VAT1L: variants seen among roughly 807,000 people sequenced by gnomAD.
The protein encoded by VAT1L is vesicle amine transport 1 like, also known as putative NADPH-dependent quinone oxidoreductase VAT1L.
VAT1L carries 34 observed loss-of-function variants against 44.1 expected under a neutral mutation model. The ratio of observed to expected loss-of-function variants is 0.77; its 90% CI spans 0.59 to 1.03. The LOEUF (loss-of-function observed/expected upper bound fraction) is 1.03, where lower values mean the gene tolerates loss of function less well. Ranked by LOEUF, VAT1L falls within the 50% of genes least tolerant of loss-of-function variation. The pLI is 0.00. For synonymous variants in VAT1L, 253 were observed against 202.2 expected, an observed-to-expected ratio of 1.25 and a Z score of -2.13; for missense variants, 615 against 538.8, an observed-to-expected ratio of 1.14 and a Z score of -1.40.
At position 77,830,925 on chromosome 16, in the gene VAT1L, C is replaced by A. The variant is rs1597056090; in HGVS notation, c.579+5464C>A. On this transcript the variant is annotated intron_variant, in intron 3 of 8. Transcript: ENST00000302536. ...TCTCGAACTCCTGATCTCAGGTGATCTGCCCGCCTCGGCCTCCCAAAGTGC... is the reference window on the plus strand; with the variant it reads ...TCTCGAACTCCTGATCTCAGGTGATATGCCCGCCTCGGCCTCCCAAAGTGC... Among the ~76,000 whole-genome samples, 7 of 152,346 alleles carry A rather than the reference C, an allele frequency of 4.6e-5. No homozygotes were observed. In the South Asian group the frequency reaches 1.5e-3, roughly 32 times the overall value.
intron 3 of VAT1L, among the ~76,000 whole-genome samples, chr16:77,843,467 A>G (rs1407777076): frequency 3.3e-5 from 5 of 152,218 alleles, no homozygotes; most frequent in Non-Finnish European, 7.3e-5. Context: ...CTTACTTCCC[A>G]GGAACCCCTG....
chr16:77,863,020 C>A, intron 4 of VAT1L, 130 bp downstream of exon 4: 2 of 1,155,762 alleles, frequency 1.7e-6, no homozygotes, highest in Non-Finnish European at 2.4e-6. Context: ...GTATTATTAG[C>A]TCTGTGCCAA....
At chr16:77,863,665 G>C (rs1023204446) in intron 4 of VAT1L, among the ~76,000 whole-genome samples, 1 of 152,198 alleles carries the variant, frequency 6.6e-6, no homozygotes, top group Non-Finnish European at 1.5e-5. Context: ...GAATGCAAGA[G>C]CCTCAGAGGC....
intron 3 of VAT1L, among the ~76,000 whole-genome samples, chr16:77,848,687 G>A (rs2016779882): frequency 6.6e-6 from 1 of 152,114 alleles, no homozygotes; most frequent in African/African-American, 2.4e-5. Flanking sequence ...CGTGATCAGG[G>A]GTACTTCCGC....
chr16:77,874,054 G>C (rs756756664), intron 4 of VAT1L, among the ~76,000 whole-genome samples: 4 of 152,182 alleles, frequency 2.6e-5, no homozygotes, highest in Admixed American at 6.5e-5. Context: ...CTGGCAGTTT[G>C]TGGGAGAGAA....
Position 77,816,762 on chromosome 16 carries a change from T to A in VAT1L, c.234-159T>A, listed in dbSNP as rs528826825. On this transcript the variant is annotated intron_variant, in intron 1 of 8. Transcript: ENST00000302536. ...GTGACATCTAGCTAAGCGGCATTAC[T>A]ATTAGGGATACTTTGCCAAAAAGAA... Among the ~76,000 whole-genome samples, 4 of 151,376 alleles carry A rather than the reference T, an allele frequency of 2.6e-5. No homozygotes were observed. In the South Asian group the frequency reaches 8.3e-4, roughly 32 times the overall value.
At position 77,953,791 on chromosome 16, in the gene VAT1L, C is replaced by T. The variant is rs1567520761; in HGVS notation, c.1078-18059C>T. 2.0e-5 allele frequency among the ~76,000 whole-genome samples: 3 copies of T among 152,112 alleles called. No homozygotes were observed. The South Asian group carries it at 6.2e-4, about 32-fold the overall frequency. On this transcript the variant is annotated intron_variant, in intron 7 of 8. Transcript: ENST00000302536. ...GATTATGGGCATGAGCCATCTTGCCCAGCCTGATTTGCATGTCTTAATTTG... is the reference window on the plus strand; with the variant it reads ...GATTATGGGCATGAGCCATCTTGCCTAGCCTGATTTGCATGTCTTAATTTG...
At chr16:77,933,637 T>C (rs1194829334) in intron 7 of VAT1L, among the ~76,000 whole-genome samples, 1 of 152,292 alleles carries the variant, frequency 6.6e-6, no homozygotes, top group East Asian at 1.9e-4. Context: ...AGGCAAAGCC[T>C]GAAGAGGTGA....
intron 1 of VAT1L, among the ~76,000 whole-genome samples, chr16:77,789,999 C>T (rs1555509943): frequency 6.6e-6 from 1 of 152,194 alleles, no homozygotes; most frequent in Non-Finnish European, 1.5e-5. Context: ...CATCTGTTTT[C>T]TAGAGCCCCC....
chr16:77,836,537 AAACAGGC>A (rs1175314522), intron 3 of VAT1L, among the ~76,000 whole-genome samples: 2 of 152,226 alleles, frequency 1.3e-5, no homozygotes, highest in Non-Finnish European at 1.5e-5. Flanking sequence ...TGACCCTGGG[AAACAGGC>A]CTTTGCCTTC....
At chr16:77,859,274 T>C (rs2016892206) in intron 3 of VAT1L, among the ~76,000 whole-genome samples, 1 of 152,130 alleles carries the variant, frequency 6.6e-6, no homozygotes, top group African/African-American at 2.4e-5. Context: ...CACTCCAACC[T>C]GACAGAGTGA....
At chr16:77,959,337 G>C (rs779418289) in intron 7 of VAT1L, among the ~76,000 whole-genome samples, 2 of 152,164 alleles carry the variant, frequency 1.3e-5, no homozygotes, top group African/African-American at 2.4e-5. Flanking sequence ...CTTGGCAAAA[G>C]CCAGAAATTC....
chr16:77,836,986 C>G (rs2016646421), intron 3 of VAT1L, among the ~76,000 whole-genome samples: 1 of 152,148 alleles, frequency 6.6e-6, no homozygotes, highest in Non-Finnish European at 1.5e-5. Context: ...ACAGAGGAAA[C>G]TGAGACACAG....
intron 3 of VAT1L, among the ~76,000 whole-genome samples, chr16:77,845,529 T>C (rs2016750029): frequency 6.6e-6 from 1 of 152,122 alleles, no homozygotes; most frequent in Non-Finnish European, 1.5e-5. Context: ...CCAACTAAAC[T>C]ATATGCACCC....
chr16:77,919,977 G>C (rs559444562), intron 7 of VAT1L, among the ~76,000 whole-genome samples: 2 of 152,040 alleles, frequency 1.3e-5, no homozygotes, highest in Non-Finnish European at 2.9e-5. Flanking sequence ...CCAGCCTCTT[G>C]AGAGTCTGAC....
At chr16:77,892,783 G>T in intron 7 of VAT1L, 1 of 782,576 alleles carries the variant, frequency 1.3e-6, no homozygotes, top group Non-Finnish European at 2.3e-6. Context: ...AGACTGAGGG[G>T]TTGGATGGCA....
chr16:77,938,398 G>T (rs2017830433), intron 7 of VAT1L, among the ~76,000 whole-genome samples: 1 of 152,168 alleles, frequency 6.6e-6, no homozygotes, highest in African/African-American at 2.4e-5. Context: ...TCTACTGTGT[G>T]GGTGACATTG....
At chr16:77,964,265 G>A (rs974954159) in intron 7 of VAT1L, among the ~76,000 whole-genome samples, 5 of 152,160 alleles carry the variant, frequency 3.3e-5, no homozygotes, top group African/African-American at 1.2e-4. Flanking sequence ...GACCACAAAT[G>A]TAGTGGCTTA....
Position 77,862,857 on chromosome 16 carries a change from A to G in VAT1L, c.689A>G (p.Asp230Gly). 4.3e-6 allele frequency: 7 copies of G among 1,614,082 alleles called. No homozygotes were observed. Among genetic ancestry groups the G allele is most frequent in the Non-Finnish European group, 5.9e-6 (7 of 1,180,000 alleles). Reference sequence around the variant, plus strand: ...AAAGACTCTGTGACCCACCTCTTTGACAGAAATGCAGACTACGTGCAAGAA... The same window carrying G: ...AAAGACTCTGTGACCCACCTCTTTGGCAGAAATGCAGACTACGTGCAAGAA... ...AIKDSVTHLF[D>G]RNADYVQEVK... Residue 230 changes from aspartate (D) to glycine (G), a missense_variant, in exon 4 of 9, where the codon GAC becomes GGC. Asp to Gly is a moderately conservative substitution (Grantham distance 94, BLOSUM62 -1). Transcript: ENST00000302536.
Sources: allele counts gnomAD v4.1 joint callset (sites outside exome capture counted in the v4.1 genomes callset), GRCh38; gene constraint gnomAD v4.1.1; transcripts MANE v1.5; gene names NCBI Gene and HGNC (gene_info 2026-07-23, HGNC 2026-07-21).